The following GBE1 variants were observed in gnomAD, a reference collection of about 807,000 sequenced individuals.
GBE1 encodes 1,4-alpha-glucan-branching enzyme.
In GBE1, 70 loss-of-function variants were observed where a neutral mutation model predicts 88.8. The ratio of observed to expected loss-of-function variants is 0.79; its 90% confidence interval spans 0.65 to 0.96. The LOEUF (loss-of-function observed/expected upper bound fraction) is 0.96. Among genes scored for constraint, GBE1 ranks in the 40% least tolerant of loss-of-function variants. The probability of loss-of-function intolerance (pLI) is 0.00; values close to 1 mark genes in which losing one functional copy is unlikely to be tolerated. For synonymous variants in GBE1, 284 were observed against 300.1 expected, an observed-to-expected ratio of 0.95 and a Z score of 0.56; for missense variants, 872 against 871.0, an observed-to-expected ratio of 1.00 and a Z score of -0.01.
intron 1 of GBE1, among the ~76,000 whole-genome samples, chr3:81,711,894 G>A (rs1705873046): frequency 6.6e-6 from 1 of 152,028 alleles, no homozygotes; most frequent in South Asian, 2.1e-4. Context: ...GAAAATTTTT[G>A]CAATCTACTC....
chr3:81,648,411 T>C (rs1704798098), intron 5 of GBE1, among the ~76,000 whole-genome samples: 1 of 152,092 alleles, frequency 6.6e-6, no homozygotes, highest in Admixed American at 6.5e-5. Context: ...TCTATAAATG[T>C]TTGTTAAATA....
chr3:81,724,518 A>T (rs1269133345), intron 1 of GBE1, among the ~76,000 whole-genome samples: 1 of 152,084 alleles, frequency 6.6e-6, no homozygotes, highest in Non-Finnish European at 1.5e-5. Flanking sequence ...GGAAGGAAAA[A>T]CCTTTTCTGA....
chr3:81,629,102 T>C (rs980240310), intron 7 of GBE1, among the ~76,000 whole-genome samples: 4 of 142,514 alleles, frequency 2.8e-5, no homozygotes, highest in African/African-American at 1.1e-4. Context: ...TATGTATACA[T>C]GTGCCATGCT....
chr3:81,657,987 G>A (rs1303881739), intron 3 of GBE1, among the ~76,000 whole-genome samples: 2 of 152,002 alleles, frequency 1.3e-5, no homozygotes, highest in Non-Finnish European at 2.9e-5. Flanking sequence ...AGATATCCTG[G>A]CTAGTAGCTT....
At chr3:81,587,136 A>G (rs1703814071) in intron 9 of GBE1, among the ~76,000 whole-genome samples, 1 of 152,116 alleles carries the variant, frequency 6.6e-6, no homozygotes, top group Admixed American at 6.6e-5. Flanking sequence ...AGCCGGATTC[A>G]GATATCAAGC....
At chr3:81,492,709 TTTCC>T (rs142892988) in intron 15 of GBE1, among the ~76,000 whole-genome samples, 188 of 146,958 alleles carry the variant, frequency 1.3e-3, no homozygotes, top group African/African-American at 4.6e-3. Flanking sequence ...CCTTTCTTCC[TTTCC>T]TTCCTTCCTT....
At chr3:81,561,757 G>C (rs757459620) in intron 12 of GBE1, among the ~76,000 whole-genome samples, 5 of 151,924 alleles carry the variant, frequency 3.3e-5, no homozygotes, top group Non-Finnish European at 7.4e-5. Context: ...AGCCCTCTAC[G>C]ACCTGGCCTC....
At chr3:81,685,858 T>C (rs1316688216) in intron 2 of GBE1, among the ~76,000 whole-genome samples, 1 of 152,244 alleles carries the variant, frequency 6.6e-6, no homozygotes, top group African/African-American at 2.4e-5. Flanking sequence ...ATTCTCTGGC[T>C]ATCCTACCAT....
rs116254228 is a variant in GBE1, at chr3:81,556,878, T to C, written c.1619-19783A>G. On this transcript the variant is annotated intron_variant, in intron 12 of 15. Transcript: ENST00000429644. Reference sequence around the variant, plus strand: ...ATATGGATACAAAGGACATAAATTTTAGGACAACTTAAAATTTGTAATATG... The same window carrying C: ...ATATGGATACAAAGGACATAAATTTCAGGACAACTTAAAATTTGTAATATG... Among the ~76,000 whole-genome samples the C allele has an allele frequency of 4.2e-3, 632 of 152,216 alleles. 6 individuals carry two copies. Among genetic ancestry groups the C allele is most frequent in the Middle Eastern group, 0.024 (7 of 294 alleles).
chr3:81,686,035 C>G (rs750612081), intron 2 of GBE1, among the ~76,000 whole-genome samples: 2 of 152,152 alleles, frequency 1.3e-5, no homozygotes, highest in Non-Finnish European at 2.9e-5. Flanking sequence ...ATTGGAAACT[C>G]CTGGTTCCCC....
chr3:81,699,906 T>C (rs1438011498), intron 2 of GBE1, among the ~76,000 whole-genome samples: 4 of 152,218 alleles, frequency 2.6e-5, no homozygotes, highest in Admixed American at 1.3e-4. Context: ...TCATGCCTCA[T>C]TGACATAAGG....
chr3:81,549,669 C>T (rs1703248196), intron 12 of GBE1, among the ~76,000 whole-genome samples: 1 of 151,534 alleles, frequency 6.6e-6, no homozygotes, highest in South Asian at 2.1e-4. Context: ...AAACACAAGG[C>T]TGGGCTCAAC....
chr3:81,604,710 G>C (rs547206472), intron 7 of GBE1, among the ~76,000 whole-genome samples: 2 of 152,016 alleles, frequency 1.3e-5, no homozygotes, highest in African/African-American at 2.4e-5. Context: ...CTAAAATAAA[G>C]GCACATAAGC....
intron 7 of GBE1, among the ~76,000 whole-genome samples, chr3:81,609,354 T>C (rs1386850485): frequency 1.3e-5 from 2 of 152,068 alleles, no homozygotes; most frequent in Non-Finnish European, 1.5e-5. Flanking sequence ...TTTTCCAAAA[T>C]CACCTGGGCA....
chr3:81,748,052 A>G (rs1706442575), intron 1 of GBE1, among the ~76,000 whole-genome samples: 1 of 152,168 alleles, frequency 6.6e-6, no homozygotes, highest in Non-Finnish European at 1.5e-5. Flanking sequence ...ATGGGGAGGC[A>G]GAGGTTGCAG....
rs555973245 is a variant in GBE1 at position 81,539,399 on chromosome 3, G to A, written c.1619-2304C>T. ...GTAAGGAGATAAAGCAGGATCATTA[G>A]GATGAACCGTATACATTTTGTACCT... On this transcript the variant is annotated intron_variant, in intron 12 of 15. Coordinates refer to ENST00000429644, the MANE Select transcript of GBE1 (RefSeq NM_000158.4). Among the ~76,000 whole-genome samples the A allele has an allele frequency of 3.3e-5, 5 of 152,058 alleles. No individual in the cohort carries two copies. The East Asian group carries it at 9.7e-4, about 30-fold the overall frequency.
chr3:81,558,754 T>A (rs140893276), intron 12 of GBE1, among the ~76,000 whole-genome samples: 1,552 of 152,250 alleles, frequency 0.01, 28 homozygotes, highest in African/African-American at 0.035. Flanking sequence ...TAATTTTCAT[T>A]ATATCCATAT....
chr3:81,547,269 A>G (rs1287954664), intron 12 of GBE1, among the ~76,000 whole-genome samples: 2 of 151,430 alleles, frequency 1.3e-5, no homozygotes, highest in Non-Finnish European at 3.0e-5. Flanking sequence ...GGAATGTTAG[A>G]GTCCTTTATA....
At chr3:81,528,271 G>A (rs1702972451) in intron 14 of GBE1, among the ~76,000 whole-genome samples, 1 of 151,328 alleles carries the variant, frequency 6.6e-6, no homozygotes, top group Admixed American at 6.6e-5. Context: ...TATACCTAAT[G>A]TTAAATGACG....
Sources: allele counts gnomAD v4.1 joint callset (sites outside exome capture counted in the v4.1 genomes callset), GRCh38; gene constraint gnomAD v4.1.1; transcripts MANE v1.5; gene names NCBI Gene and HGNC (gene_info 2026-07-23, HGNC 2026-07-21).